Variants in SLC2A13 observed in about 807,000 individuals in gnomAD.
The protein encoded by SLC2A13 is proton myo-inositol cotransporter.
Under a neutral mutation model 64.4 loss-of-function variants are expected in SLC2A13, and 32 were observed. That is an observed-to-expected ratio of 0.50 (90% CI 0.37 to 0.67). The LOEUF is 0.67. Among genes scored for constraint, SLC2A13 ranks in the 30% least tolerant of loss-of-function variants. The probability of loss-of-function intolerance (pLI) is 0.00; values close to 1 mark genes in which losing one functional copy is unlikely to be tolerated. For synonymous variants in SLC2A13, 338 were observed against 327.1 expected (o/e 1.03, Z -0.36); for missense variants, 743 against 829.2 (o/e 0.90, Z 1.28).
chr12:39,994,101 T>C (rs1947183841), intron 3 of SLC2A13, among the ~76,000 whole-genome samples: 1 of 152,112 alleles, frequency 6.6e-6, no homozygotes, highest in South Asian at 2.1e-4. Flanking sequence ...TGATAAAAAC[T>C]AATCTCTGCC....
intron 3 of SLC2A13, among the ~76,000 whole-genome samples, chr12:39,955,773 G>A (rs1946304389): frequency 6.6e-6 from 1 of 152,106 alleles, no homozygotes; most frequent in Non-Finnish European, 1.5e-5. Flanking sequence ...CAAAAGCAGA[G>A]AAGACAAATG....
At chr12:40,071,225 A>G (rs1937944074) in intron 1 of SLC2A13, among the ~76,000 whole-genome samples, 1 of 152,000 alleles carries the variant, frequency 6.6e-6, no homozygotes, top group African/African-American at 2.4e-5. Flanking sequence ...CTTTTTAGTT[A>G]TTCTTCTTAT....
At chr12:39,853,959 T>C (rs981710099) in intron 6 of SLC2A13, among the ~76,000 whole-genome samples, 5 of 152,184 alleles carry the variant, frequency 3.3e-5, no homozygotes, top group African/African-American at 1.2e-4. Context: ...TTCAGGGCAG[T>C]ATTTTGTTAA....
intron 7 of SLC2A13, among the ~76,000 whole-genome samples, chr12:39,789,099 G>C (rs1467950220): frequency 6.6e-6 from 1 of 151,988 alleles, no homozygotes; most frequent in Non-Finnish European, 1.5e-5. Flanking sequence ...TCACCAATCA[G>C]CTTATTAACT....
chr12:39,842,430 A>G (rs1412393721), intron 6 of SLC2A13, among the ~76,000 whole-genome samples: 3 of 152,056 alleles, frequency 2.0e-5, no homozygotes, highest in Admixed American at 2.0e-4. Flanking sequence ...GTTGAAATGT[A>G]AAGTTATGCC....
intron 7 of SLC2A13, among the ~76,000 whole-genome samples, chr12:39,823,528 T>C (rs1942582524): frequency 6.6e-6 from 1 of 152,236 alleles, no homozygotes. Context: ...GCTATCACCA[T>C]AGATGAACTG....
chr12:39,941,122 TATATATA>T (rs1204903628), intron 4 of SLC2A13, among the ~76,000 whole-genome samples: 3 of 4,176 alleles, frequency 7.2e-4, no homozygotes, highest in African/African-American at 1.4e-3. Flanking sequence ...TATTCCATCA[TATATATA>T]TATATATATA....
At chr12:39,892,864 C>A (rs1944646652) in intron 4 of SLC2A13, among the ~76,000 whole-genome samples, 1 of 152,088 alleles carries the variant, frequency 6.6e-6, no homozygotes, top group East Asian at 1.9e-4. Flanking sequence ...TATTTTCCAT[C>A]TTTTTCTCAA....
chr12:39,799,110 C>T (rs1941683686), intron 7 of SLC2A13, among the ~76,000 whole-genome samples: 1 of 142,838 alleles, frequency 7.0e-6, no homozygotes, highest in South Asian at 2.2e-4. Flanking sequence ...CTCAGAGTCT[C>T]ACTCTGTCTC....
chr12:39,880,051 C>A (rs1944301388), intron 4 of SLC2A13, among the ~76,000 whole-genome samples: 1 of 152,160 alleles, frequency 6.6e-6, no homozygotes, highest in African/African-American at 2.4e-5. Flanking sequence ...TGCACTCTCT[C>A]TCTCTCGCGC....
chr12:39,955,942 C>T lies in SLC2A13; in HGVS notation c.926-4577G>A, dbSNP rs560686216. ...ACTGTGAGAAAATAAATGTCTACTGCGTTAAGCTACCAAATTTGTAGTAAT... is the reference window on the plus strand; with the variant it reads ...ACTGTGAGAAAATAAATGTCTACTGTGTTAAGCTACCAAATTTGTAGTAAT... On this transcript the variant is annotated intron_variant, in intron 3 of 9. Transcript: ENST00000280871. Among the ~76,000 whole-genome samples the T allele has an allele frequency of 2.0e-5, 3 of 152,218 alleles. 1 individual carries two copies. Among genetic ancestry groups the T allele is most frequent in the African/African-American group, 7.2e-5 (3 of 41,556 alleles).
chr12:40,070,791 T>A (rs1466752352), intron 1 of SLC2A13, among the ~76,000 whole-genome samples: 4 of 152,188 alleles, frequency 2.6e-5, no homozygotes, highest in Non-Finnish European at 5.9e-5. Flanking sequence ...CCTTTAAAAA[T>A]TTTTTATTGC....
intron 4 of SLC2A13, among the ~76,000 whole-genome samples, chr12:39,947,742 G>A (rs1162161166): frequency 2.1e-5 from 3 of 145,508 alleles, no homozygotes; most frequent in Non-Finnish European, 4.5e-5. Context: ...CTCACTTCAA[G>A]CTCTGCCTCA....
At chr12:39,843,872 A>T (rs1451256252) in intron 6 of SLC2A13, among the ~76,000 whole-genome samples, 8 of 152,014 alleles carry the variant, frequency 5.3e-5, no homozygotes, top group African/African-American at 1.7e-4. Flanking sequence ...TTTCTATATC[A>T]TCCTGGTTCT....
At chr12:39,888,011 G>A (rs963830684) in intron 4 of SLC2A13, among the ~76,000 whole-genome samples, 1 of 152,112 alleles carries the variant, frequency 6.6e-6, no homozygotes, top group Non-Finnish European at 1.5e-5. Context: ...TGTGTTGATG[G>A]AATGCTTGGA....
At chr12:39,900,976 G>A (rs890458751) in intron 4 of SLC2A13, among the ~76,000 whole-genome samples, 17 of 152,056 alleles carry the variant, frequency 1.1e-4, no homozygotes, top group Non-Finnish European at 1.8e-4. Flanking sequence ...GCATGGTACC[G>A]GTACCAAAAC....
chr12:39,962,811 C>G (rs1401297416), intron 3 of SLC2A13, among the ~76,000 whole-genome samples: 1 of 152,188 alleles, frequency 6.6e-6, no homozygotes, highest in Non-Finnish European at 1.5e-5. Context: ...TTGACTCTAT[C>G]TTGGCCATTT....
intron 7 of SLC2A13, among the ~76,000 whole-genome samples, chr12:39,792,610 C>G (rs1175839440): frequency 6.6e-6 from 1 of 152,144 alleles, no homozygotes; most frequent in Non-Finnish European, 1.5e-5. Flanking sequence ...CATCAGGGAA[C>G]TAGTTCCAGG....
intron 7 of SLC2A13, among the ~76,000 whole-genome samples, chr12:39,823,693 C>T (rs918113159): frequency 6.6e-6 from 1 of 152,168 alleles, no homozygotes; most frequent in African/African-American, 2.4e-5. Flanking sequence ...AAGTGATCCT[C>T]CTGCTTTCAC....
Sources: gnomAD v4.1 joint callset for allele counts (sites outside exome capture counted in the v4.1 genomes callset) on GRCh38, gnomAD v4.1.1 for gene constraint, MANE v1.5 for transcripts, NCBI Gene and HGNC (gene_info 2026-07-23, HGNC 2026-07-21) for gene names.